The following CYSLTR1 variants were observed in gnomAD, a reference collection of about 807,000 sequenced individuals.
CYSLTR1 encodes the protein cysteinyl leukotriene receptor 1, also known as G-protein coupled receptor HG55.
Under a neutral mutation model 2.1 loss-of-function variants are expected in CYSLTR1, and 1 was observed. The observed-to-expected ratio is 0.48, with a 90% CI of 0.17 to 2.28. The LOEUF is 2.28. CYSLTR1 is among the 30% of genes most tolerant of loss of function. CYSLTR1 has a pLI of 0.26. For synonymous variants in CYSLTR1, 110 were observed against 89.6 expected, an observed-to-expected ratio of 1.23 and a Z score of -1.28; for missense variants, 299 against 250.1, an observed-to-expected ratio of 1.20 and a Z score of -1.32.
At chrX:78,304,365 A>G (rs1922944701) in intron 1 of CYSLTR1, among the ~76,000 whole-genome samples, 1 of 111,409 alleles carries the variant, frequency 9.0e-6, no homozygotes, top group African/African-American at 3.3e-5. Flanking sequence ...TTGTTGTATG[A>G]GAAGTCCATC....
At chrX:78,299,682 A>G (rs902564182) in intron 1 of CYSLTR1, among the ~76,000 whole-genome samples, 7 of 110,952 alleles carry the variant, frequency 6.3e-5, no homozygotes, top group Non-Finnish European at 1.1e-4. Context: ...ATTGTATGTT[A>G]TTTGTTACTT....
At chrX:78,317,164 G>A (rs1362200930) in intron 1 of CYSLTR1, among the ~76,000 whole-genome samples, 1 of 111,981 alleles carries the variant, frequency 8.9e-6, no homozygotes, top group Non-Finnish European at 1.9e-5. Flanking sequence ...CCATCACAAA[G>A]TGGAAAAGGG....
At chrX:78,323,312 C>G (rs1223300352) in intron 1 of CYSLTR1, among the ~76,000 whole-genome samples, 2 of 112,191 alleles carry the variant, frequency 1.8e-5, no homozygotes, top group African/African-American at 6.5e-5. Context: ...CTGCTTCTAT[C>G]ATCTTGGCAT....
chrX:78,294,483 C>T (rs759004746), intron 1 of CYSLTR1, among the ~76,000 whole-genome samples: 21 of 112,567 alleles, frequency 1.9e-4, no homozygotes, highest in African/African-American at 6.1e-4. Context: ...GCTCAAACAC[C>T]ATGCTGGGAG....
At chrX:78,285,952 G>C (rs1922051764) in intron 1 of CYSLTR1, among the ~76,000 whole-genome samples, 1 of 111,824 alleles carries the variant, frequency 8.9e-6, no homozygotes, top group Admixed American at 9.5e-5. Flanking sequence ...GTATGATTTT[G>C]ATTTTAATTG....
chrX:78,282,362 G>T (rs190277263), intron 2 of CYSLTR1, among the ~76,000 whole-genome samples: 1 of 112,028 alleles, frequency 8.9e-6, no homozygotes, highest in Admixed American at 9.5e-5. Context: ...CCCACACAGG[G>T]CCTAGCACAT....
intron 1 of CYSLTR1, chrX:78,319,862 A>T (rs1923570336): frequency 8.9e-6 from 1 of 112,070 alleles, no homozygotes; most frequent in Non-Finnish European, 1.9e-5. Context: ...TCTGATGGCC[A>T]GTGATGATGA....
At position 78,289,298 on chromosome X, in the gene CYSLTR1, CT is replaced by C. The variant is rs1192919840; in HGVS notation, c.-114-5759del. On this transcript the variant is annotated intron_variant, in intron 1 of 2. Coordinates refer to ENST00000373304, the MANE Select transcript of CYSLTR1 (RefSeq NM_006639.4). ...TCCCTGCAAAGGACATGAACTCATC[CT>C]TTTTTATGACTGCATAGTATTCCAT... is the stretch of plus-strand genomic sequence containing the variant. Among the ~76,000 whole-genome samples, 4 of 111,830 alleles carry C rather than the reference CT, an allele frequency of 3.6e-5. No individual in the cohort carries two copies. In the South Asian group the frequency reaches 1.5e-3, roughly 42 times the overall value.
At chrX:78,283,922 C>T (rs758524460) in intron 1 of CYSLTR1, among the ~76,000 whole-genome samples, 1 of 111,792 alleles carries the variant, frequency 8.9e-6, no homozygotes, top group South Asian at 3.7e-4. Context: ...ACTTTACATC[C>T]AGGGATCTGG....
At chrX:78,320,322 G>A (rs866742735) in intron 1 of CYSLTR1, 14 of 111,510 alleles carry the variant, frequency 1.3e-4, no homozygotes, top group Admixed American at 1.9e-4. Flanking sequence ...TCAGCTTTCT[G>A]CATATGGCTA....
chrX:78,324,436 C>T lies in CYSLTR1; in HGVS notation c.-115+2869G>A, dbSNP rs188907455. On this transcript the variant is annotated intron_variant, in intron 1 of 2. Transcript: ENST00000373304. The stretch of plus-strand genomic sequence containing the variant: ...CGGCTTGAGTGCAGTGGCGCGATCT[C>T]GGCTCACTGCGACCTCCACCACCCG... 2.1e-4 allele frequency among the ~76,000 whole-genome samples: 23 copies of T among 111,937 alleles called. No individual in the cohort carries two copies. In the East Asian group the frequency reaches 5.1e-3, roughly 25 times the overall value.
intron 1 of CYSLTR1, among the ~76,000 whole-genome samples, chrX:78,285,400 C>G (rs955098522): frequency 2.2e-5 from 2 of 89,433 alleles, no homozygotes; most frequent in African/African-American, 8.8e-5. Context: ...CCAGCCTGGG[C>G]TACAGAGCGA....
At chrX:78,318,854 T>C (rs1034033003) in intron 1 of CYSLTR1, 5 of 110,526 alleles carry the variant, frequency 4.5e-5, no homozygotes, top group African/African-American at 1.6e-4. Flanking sequence ...TTGATTCTTA[T>C]TTTGCAATGC....
At chrX:78,297,728 T>C (rs1217708616) in intron 1 of CYSLTR1, among the ~76,000 whole-genome samples, 1 of 111,373 alleles carries the variant, frequency 9.0e-6, no homozygotes, top group Admixed American at 9.5e-5. Context: ...AGTTGTAATG[T>C]CTCCTTTTTC....
chrX:78,282,590 C>T (rs1921887353), intron 2 of CYSLTR1, among the ~76,000 whole-genome samples: 1 of 111,857 alleles, frequency 8.9e-6, no homozygotes, highest in Admixed American at 9.5e-5. Context: ...AGTCATAAGG[C>T]TAACCATAAT....
At chrX:78,274,684 C>A (rs1391192903) in intron 2 of CYSLTR1, among the ~76,000 whole-genome samples, 3 of 110,206 alleles carry the variant, frequency 2.7e-5, no homozygotes, top group African/African-American at 9.9e-5. Context: ...GACTTCATGT[C>A]TAAAACACCA....
chrX:78,305,715 A>G (rs1246109503), intron 1 of CYSLTR1, among the ~76,000 whole-genome samples: 5 of 112,455 alleles, frequency 4.4e-5, no homozygotes, highest in Non-Finnish European at 9.4e-5. Flanking sequence ...ATTTCATTTA[A>G]GTGGAATAAG....
intron 1 of CYSLTR1, among the ~76,000 whole-genome samples, chrX:78,289,741 G>T (rs1231037968): frequency 8.9e-6 from 1 of 112,282 alleles, no homozygotes; most frequent in Non-Finnish European, 1.9e-5. Flanking sequence ...TCATGTGTCT[G>T]TTGGCTGCAT....
chrX:78,320,708 G>A (rs1349151201), intron 1 of CYSLTR1: 1 of 111,481 alleles, frequency 9.0e-6, no homozygotes, highest in Non-Finnish European at 1.9e-5. Flanking sequence ...GGGCAGTATG[G>A]CCATTTTCAC....
Sources: gnomAD v4.1 joint callset for allele counts (sites outside exome capture counted in the v4.1 genomes callset) on GRCh38, gnomAD v4.1.1 for gene constraint, MANE v1.5 for transcripts, NCBI Gene and HGNC (gene_info 2026-07-23, HGNC 2026-07-21) for gene names.